The following TUBGCP5 variants were observed in gnomAD, a reference collection of about 807,000 sequenced individuals.
The protein encoded by TUBGCP5 is gamma-tubulin complex component 5.
In TUBGCP5, 98 loss-of-function variants were observed where a neutral mutation model predicts 134.7. The ratio of observed to expected loss-of-function variants is 0.73; its 90% CI spans 0.62 to 0.86. The LOEUF (loss-of-function observed/expected upper bound fraction) is 0.86, where lower values mean the gene tolerates loss of function less well. Among genes scored for constraint, TUBGCP5 ranks in the 40% least tolerant of loss-of-function variants. The probability of loss-of-function intolerance (pLI) is 0.00; values close to 1 mark genes in which losing one functional copy is unlikely to be tolerated. For missense variants in TUBGCP5, 1,150 were observed against 1,244.8 expected, an observed-to-expected ratio of 0.92 and a Z score of 1.15; for synonymous variants, 456 against 431.4, an observed-to-expected ratio of 1.06 and a Z score of -0.71.
intron 23 of TUBGCP5, among the ~76,000 whole-genome samples, chr15:22,991,635 T>G (rs181614706): frequency 1.3e-4 from 20 of 152,344 alleles, no homozygotes; most frequent in African/African-American, 4.8e-4. Flanking sequence ...CTGCCACTAC[T>G]GCCTTCTTCT....
chr15:23,010,635 C>A (rs113690282), intron 14 of TUBGCP5, among the ~76,000 whole-genome samples: 1,818 of 152,168 alleles, frequency 0.012, 10 homozygotes, highest in African/African-American at 0.025. Flanking sequence ...GACATGGAAT[C>A]CAAACTATAC....
intron 14 of TUBGCP5, 117 bp downstream of exon 14, chr15:23,011,016 A>T: frequency 1.0e-6 from 1 of 953,664 alleles, no homozygotes; most frequent in Non-Finnish European, 1.6e-6. Context: ...AAGAAAAAAG[A>T]AAGGATAGCC....
chr15:23,009,938 CT>C lies in TUBGCP5; in HGVS notation c.2144+6del. ...TTACTACTTCCAAAATTAAATTACTCTTTTACCTGTAATCTTTTTTTAGAGT... is the reference window on the plus strand; with the variant it reads ...TTACTACTTCCAAAATTAAATTACTCTTTACCTGTAATCTTTTTTTAGAGT... On this transcript the variant is annotated splice_donor_region_variant and intron_variant, in intron 15 of 22. Transcript: ENST00000615383. 2.5e-6 allele frequency: 4 copies of C among 1,609,370 alleles called. No homozygotes were observed. Among genetic ancestry groups the C allele is most frequent in the Non-Finnish European group, 3.4e-6 (4 of 1,177,536 alleles).
chr15:23,034,764 C>A (rs975067061), intron 3 of TUBGCP5, among the ~76,000 whole-genome samples: 4 of 151,962 alleles, frequency 2.6e-5, no homozygotes, highest in African/African-American at 9.7e-5. Context: ...GAGGCTGAGG[C>A]TGCAGTGAGC....
intron 6 of TUBGCP5, 98 bp from the exon 7 acceptor site, chr15:23,027,404 T>C: frequency 1.0e-6 from 1 of 965,810 alleles, no homozygotes; most frequent in Non-Finnish European, 1.6e-6. Context: ...TAGTTGAAAA[T>C]GGCTTTTTAA....
intron 1 of TUBGCP5, among the ~76,000 whole-genome samples, chr15:23,037,843 C>G (rs1249264802): frequency 6.6e-6 from 1 of 152,202 alleles, no homozygotes; most frequent in African/African-American, 2.4e-5. Flanking sequence ...TTGCTCAGTG[C>G]AAGCTCCGCC....
At chr15:22,997,182 T>G (rs1362157157), downstream of TUBGCP5, among the ~76,000 whole-genome samples, 1 of 146,472 alleles carries the variant, frequency 6.8e-6, no homozygotes. Flanking sequence ...AATAATTCCT[T>G]TTTTTTTTTC....
At chr15:23,030,283 T>C (rs550359451) in intron 6 of TUBGCP5, among the ~76,000 whole-genome samples, 1 of 152,246 alleles carries the variant, frequency 6.6e-6, no homozygotes, top group South Asian at 2.1e-4. Context: ...TATTAAGACA[T>C]AATACTACAA....
chr15:23,003,210 A>C, intron 20 of TUBGCP5, 57 bp from the exon 21 acceptor site: 6 of 1,501,046 alleles, frequency 4.0e-6, no homozygotes, highest in Non-Finnish European at 5.6e-6. Flanking sequence ...CACTGATACC[A>C]ACACTTTTAC....
At chr15:22,987,185 T>C (rs2063703405) in intron 23 of TUBGCP5, among the ~76,000 whole-genome samples, 1 of 151,512 alleles carries the variant, frequency 6.6e-6, no homozygotes, top group Non-Finnish European at 1.5e-5. Flanking sequence ...ATACAAGAAA[T>C]TAACCGGGCG....
intron 3 of TUBGCP5, among the ~76,000 whole-genome samples, chr15:23,036,652 A>G (rs970309748): frequency 2.0e-5 from 3 of 152,172 alleles, no homozygotes; most frequent in Non-Finnish European, 4.4e-5. Context: ...TATTTGTATC[A>G]ATCTCTGATC....
At position 23,036,961 on chromosome 15, in the gene TUBGCP5, G is replaced by A; in HGVS notation, c.245C>T (p.Ala82Val). The A allele has an allele frequency of 3.1e-6, 5 of 1,612,564 alleles. No homozygotes were observed. Among genetic ancestry groups the A allele is most frequent in the Non-Finnish European group, 4.2e-6 (5 of 1,179,424 alleles). ...TTCCTCCGTTAATCTCTTCCAACTA[G>A]CAGCTTTGCTTAGATCAGAATGAAT... The part of the protein sequence containing the change: ...FVIHSDLSKA[A>V]SWKRLTEEFL... The change falls in exon 3 of 23, where the codon GCT (alanine) becomes GTT (valine). Residue 82 changes from alanine (A) to valine (V), a missense_variant. Physicochemically the swap from Ala to Val is moderately conservative, Grantham distance 64 (BLOSUM62 0). Coordinates refer to ENST00000615383, the MANE Select transcript of TUBGCP5 (RefSeq NM_052903.6).
At chr15:23,014,342 T>C (rs2065199966) in intron 13 of TUBGCP5, among the ~76,000 whole-genome samples, 1 of 152,160 alleles carries the variant, frequency 6.6e-6, no homozygotes, top group Non-Finnish European at 1.5e-5. Flanking sequence ...GCACGGCATC[T>C]TTGGTTGGAG....
chr15:23,023,760 T>G (rs769206557), intron 10 of TUBGCP5, 187 bp downstream of exon 10: 86 of 520,044 alleles, frequency 1.7e-4, no homozygotes, highest in Non-Finnish European at 2.6e-4. Flanking sequence ...CTAAATCTTC[T>G]GTAGTTTTTT....
intron 8 of TUBGCP5, among the ~76,000 whole-genome samples, chr15:23,025,369 C>G (rs1415657504): frequency 6.6e-6 from 1 of 152,266 alleles, no homozygotes; most frequent in South Asian, 2.1e-4. Context: ...ATATACTTGA[C>G]GACCCAAAGA....
Position 23,023,628 on chromosome 15 carries a change from C to T in TUBGCP5, c.1168+319G>A, listed in dbSNP as rs77981618. 7.0e-4 allele frequency: 191 copies of T among 274,106 alleles called. 5 individuals are homozygous for T. The East Asian group carries it at 0.017, about 24-fold the overall frequency. The allele number at this position is 274,106 out of a possible 1,614,324, so 17.0% of individuals were successfully genotyped here. A position where few individuals can be genotyped will look rare whatever the true frequency, so the allele number is the denominator to read the frequency against. The stretch of plus-strand genomic sequence containing the variant: ...GGTATGCGTATATGTATATGCACTG[C>T]TCATGTATGTTGAAACTCTTTCTGG... On this transcript the variant is annotated intron_variant, in intron 10 of 22. Transcript: ENST00000615383.
At chr15:22,993,525 G>GTTTTTTTTTGTTTT (rs2063925572) in intron 23 of TUBGCP5, among the ~76,000 whole-genome samples, 1 of 69,288 alleles carries the variant, frequency 1.4e-5, no homozygotes, top group African/African-American at 6.0e-5. Flanking sequence ...AGCCCCCGAA[G>GTTTTTTTTTGTTTT]TTTTTTTTTT....
At chr15:23,009,519 C>T (rs1376297742) in intron 15 of TUBGCP5, among the ~76,000 whole-genome samples, 2 of 152,142 alleles carry the variant, frequency 1.3e-5, no homozygotes, top group African/African-American at 4.8e-5. Flanking sequence ...CCTCCCACCT[C>T]AGCCTCCCAA....
chr15:23,028,265 A>C (rs1409787565), intron 6 of TUBGCP5, among the ~76,000 whole-genome samples: 2 of 151,710 alleles, frequency 1.3e-5, no homozygotes, highest in South Asian at 2.1e-4. Flanking sequence ...TGGAAGCCCC[A>C]GCTTCTTAGG....
Sources: gnomAD v4.1 joint callset for allele counts (sites outside exome capture counted in the v4.1 genomes callset) on GRCh38, gnomAD v4.1.1 for gene constraint, MANE v1.5 for transcripts, NCBI Gene and HGNC (gene_info 2026-07-23, HGNC 2026-07-21) for gene names.